STK38L: variants seen among roughly 807,000 people sequenced by gnomAD.
STK38L encodes serine/threonine kinase 38 like.
STK38L carries 28 observed loss-of-function variants against 59.7 expected under a neutral mutation model. The ratio of observed to expected loss-of-function variants is 0.47; its 90% CI spans 0.35 to 0.64. The LOEUF is 0.64. STK38L is among the 30% of genes least tolerant of loss of function. STK38L has a pLI of 0.01. For synonymous variants in STK38L, 162 were observed against 176.8 expected (o/e 0.92, Z 0.66); for missense variants, 314 against 555.8 (o/e 0.56, Z 4.37).
chr12:27,306,714 AACAC>A (rs10553623), intron 3 of STK38L, among the ~76,000 whole-genome samples: 20,113 of 138,992 alleles, frequency 0.14, 1,441 homozygotes, highest in South Asian at 0.18. Context: ...GAATTTTATA[AACAC>A]ACACACACAC....
chr12:27,322,523 G>C lies in STK38L; in HGVS notation c.*68G>C. On this transcript the variant is annotated 3_prime_UTR_variant, in exon 14 of 14. Coordinates refer to ENST00000389032, the MANE Select transcript of STK38L (RefSeq NM_015000.4). ...TGCATCACCAGGCTTGCTTGGCGTA[G>C]ATAACAATACACTGAAATACTCCTG... is the stretch of plus-strand genomic sequence containing the variant. 2 of 1,571,004 alleles carry C rather than the reference G, an allele frequency of 1.3e-6. No individual in the cohort carries two copies. Among genetic ancestry groups the C allele is most frequent in the East Asian group, 4.5e-5 (2 of 44,692 alleles).
intron 1 of STK38L, among the ~76,000 whole-genome samples, chr12:27,277,691 C>T (rs1943567614): frequency 6.6e-6 from 1 of 151,952 alleles, no homozygotes; most frequent in Non-Finnish European, 1.5e-5. Context: ...AGCAAATTCC[C>T]ACTCCAGTTC....
chr12:27,248,487 T>C (rs956561933), intron 1 of STK38L, among the ~76,000 whole-genome samples: 9 of 152,208 alleles, frequency 5.9e-5, no homozygotes, highest in Non-Finnish European at 1.0e-4. Flanking sequence ...ACAAATTCAA[T>C]TGGATTTAAA....
intron 1 of STK38L, among the ~76,000 whole-genome samples, chr12:27,268,911 TG>T (rs1943358836): frequency 6.6e-6 from 1 of 152,240 alleles, no homozygotes; most frequent in African/African-American, 2.4e-5. Context: ...GCTTCATAAA[TG>T]TCTTCTTTTG....
chr12:27,319,653 A>T (rs1944675737), intron 12 of STK38L, among the ~76,000 whole-genome samples: 1 of 152,214 alleles, frequency 6.6e-6, no homozygotes, highest in African/African-American at 2.4e-5. Context: ...AGCTGTTTAA[A>T]TTCTTATATT....
intron 9 of STK38L, among the ~76,000 whole-genome samples, chr12:27,316,874 A>G (rs1256680131): frequency 2.0e-5 from 3 of 152,226 alleles, no homozygotes; most frequent in Non-Finnish European, 1.5e-5. Context: ...TTATGTAAGC[A>G]GAAGCTGAGC....
chr12:27,269,647 C>A (rs886394342), intron 1 of STK38L, among the ~76,000 whole-genome samples: 1 of 152,056 alleles, frequency 6.6e-6, no homozygotes, highest in Non-Finnish European at 1.5e-5. Context: ...ACCTTTCTAT[C>A]TTTTTTTATT....
intron 12 of STK38L, among the ~76,000 whole-genome samples, chr12:27,319,978 T>C (rs1944683800): frequency 6.6e-6 from 1 of 152,212 alleles, no homozygotes; most frequent in African/African-American, 2.4e-5. Context: ...CCTGTGGCCT[T>C]TTGCACTTGG....
Position 27,324,939 on chromosome 12 carries a change from A to C in STK38L, c.*2484A>C, listed in dbSNP as rs1423046887. ...AACTGGGCATAATGACATTTTCTTT[A>C]AATTAGACTCTATTTTGAATTAAAA... On this transcript the variant is annotated 3_prime_UTR_variant, in exon 14 of 14. Coordinates refer to ENST00000389032, the MANE Select transcript of STK38L (RefSeq NM_015000.4). The C allele has an allele frequency of 6.6e-6, 1 of 152,090 alleles. No individual in the cohort carries two copies. The highest frequency in any genetic ancestry group is 1.5e-5 in the Non-Finnish European group (1 of 67,950). 9.4% of individuals were successfully genotyped at this position (152,090 alleles called of 1,614,324 possible). A position where few individuals can be genotyped will look rare whatever the true frequency, so the allele number is the denominator to read the frequency against.
chr12:27,268,502 T>G (rs1459557877), intron 1 of STK38L, among the ~76,000 whole-genome samples: 4 of 152,264 alleles, frequency 2.6e-5, no homozygotes, highest in Non-Finnish European at 5.9e-5. Flanking sequence ...CCACATTTTC[T>G]TAATCCAGTC....
chr12:27,286,127 T>C (rs953716372), intron 1 of STK38L, among the ~76,000 whole-genome samples: 1 of 152,186 alleles, frequency 6.6e-6, no homozygotes, highest in African/African-American at 2.4e-5. Context: ...TTTTTTTTGC[T>C]GTTCTTTGCT....
intron 1 of STK38L, among the ~76,000 whole-genome samples, chr12:27,271,014 G>GTGATAA (rs1330966893): frequency 6.6e-6 from 1 of 152,158 alleles, no homozygotes; most frequent in Non-Finnish European, 1.5e-5. Context: ...GATGATAGCA[G>GTGATAA]TGATAATGAT....
In STK38L at chr12:27,308,305, A is replaced by G; in HGVS notation, c.187-34A>G. 6.7e-7 allele frequency: 1 copy of G among 1,490,452 alleles called. No individual in the cohort carries two copies. 92.3% of individuals were successfully genotyped at this position (1,490,452 alleles called of 1,614,324 possible). On this transcript the variant is annotated intron_variant, in intron 3 of 13. Transcript: ENST00000389032. This position sits in a 1 kb window ranked among gnomAD's most constrained non-coding sequence, Gnocchi z 4.5. ...AGCTCCATCAAAACAACCTAATTAT[A>G]AAATCATCCGTTTAAATTGTTTTTT...
intron 1 of STK38L, among the ~76,000 whole-genome samples, chr12:27,294,737 G>C (rs1363411948): frequency 1.3e-5 from 2 of 150,978 alleles, no homozygotes. Context: ...GTTAGAGACA[G>C]GGTCTTGCTC....
At chr12:27,294,747 C>G (rs1041014119) in intron 1 of STK38L, among the ~76,000 whole-genome samples, 4 of 150,960 alleles carry the variant, frequency 2.6e-5, no homozygotes, top group African/African-American at 9.7e-5. Context: ...GGGTCTTGCT[C>G]CATCACCCAG....
chr12:27,308,940 AAT>A lies in STK38L; in HGVS notation c.310-164_310-163del, dbSNP rs969526681. 2.7e-4 allele frequency among the ~76,000 whole-genome samples: 39 copies of A among 144,752 alleles called. No homozygotes were observed. The highest frequency in any genetic ancestry group is 3.6e-3 in the Middle Eastern group (1 of 278). The allele number at this position is 144,752 out of a possible 152,430, so 95.0% of individuals were successfully genotyped here. A position where few individuals can be genotyped will look rare whatever the true frequency, so the allele number is the denominator to read the frequency against. On this transcript the variant is annotated intron_variant, in intron 4 of 13. Transcript: ENST00000389032. The surrounding 1 kb of genome is among the most constrained non-coding windows in gnomAD (Gnocchi z 4.5). ...TATTAATATATATAAAATATATATA[AAT>A]ATATATATAACATATATAAAAATAT...
intron 5 of STK38L, among the ~76,000 whole-genome samples, chr12:27,311,630 C>T (rs765362218): frequency 6.6e-6 from 1 of 151,840 alleles, no homozygotes; most frequent in African/African-American, 2.4e-5. Context: ...GATAGTATCT[C>T]TAGTAATTAT....
chr12:27,308,506 T>C lies in STK38L; in HGVS notation c.309+45T>C. The C allele has an allele frequency of 6.8e-7, 1 of 1,460,330 alleles. No individual in the cohort carries two copies. The highest frequency in any genetic ancestry group is 9.1e-7 in the Non-Finnish European group (1 of 1,098,890). 90.5% of individuals were successfully genotyped at this position (1,460,330 alleles called of 1,614,324 possible). A position where few individuals can be genotyped will look rare whatever the true frequency, so the allele number is the denominator to read the frequency against. ...TCACTACTGCTGCAAATATATATCTTAAGATAATTTAAAATATGTGTTAAA... is the reference window on the plus strand; with the variant it reads ...TCACTACTGCTGCAAATATATATCTCAAGATAATTTAAAATATGTGTTAAA... On this transcript the variant is annotated intron_variant, in intron 4 of 13. Coordinates refer to ENST00000389032, the MANE Select transcript of STK38L (RefSeq NM_015000.4). This position sits in a 1 kb window ranked among gnomAD's most constrained non-coding sequence, Gnocchi z 4.5.
rs376265699 is a variant in STK38L at position 27,254,401 on chromosome 12, G to A, written c.-12+10069G>A. On this transcript the variant is annotated intron_variant, in intron 1 of 13. Coordinates refer to ENST00000389032, the MANE Select transcript of STK38L (RefSeq NM_015000.4). Reference sequence around the variant, plus strand: ...TCAGATGGTGTCAAACATCATCTCTGGTCCTCCTCTATCCTTGTTTGGTCA... The same window carrying A: ...TCAGATGGTGTCAAACATCATCTCTAGTCCTCCTCTATCCTTGTTTGGTCA... Among the ~76,000 whole-genome samples the A allele has an allele frequency of 3.3e-4, 50 of 152,214 alleles. No homozygotes were observed. The South Asian group carries it at 9.5e-3, about 29-fold the overall frequency.
Sources: gnomAD v4.1 joint callset for allele counts (sites outside exome capture counted in the v4.1 genomes callset) on GRCh38, gnomAD v4.1.1 for gene constraint, Gnocchi (gnomAD v3.1) non-coding constraint, MANE v1.5 for transcripts, NCBI Gene and HGNC (gene_info 2026-07-23, HGNC 2026-07-21) for gene names.